Variants in UBE2R2 observed in about 807,000 individuals in gnomAD.
The protein encoded by UBE2R2 is ubiquitin-conjugating enzyme E2 R2.
A neutral mutation model predicts 27.8 loss-of-function variants in UBE2R2; 1 was observed. The ratio of observed to expected loss-of-function variants is 0.04; its 90% CI spans 0.01 to 0.17. The LOEUF (loss-of-function observed/expected upper bound fraction) is 0.17, where lower values mean the gene tolerates loss of function less well. Among genes scored for constraint, UBE2R2 ranks in the 10% least tolerant of loss-of-function variants. The probability of loss-of-function intolerance (pLI) is 1.00; values close to 1 mark genes in which losing one functional copy is unlikely to be tolerated. For synonymous variants in UBE2R2, 106 were observed against 113.3 expected, an observed-to-expected ratio of 0.94 and a Z score of 0.41; for missense variants, 100 against 291.0, an observed-to-expected ratio of 0.34 and a Z score of 4.78.
chr9:33,902,401 A>G (rs1303255399), intron 3 of UBE2R2, among the ~76,000 whole-genome samples: 1 of 152,200 alleles, frequency 6.6e-6, no homozygotes, highest in Non-Finnish European at 1.5e-5. Flanking sequence ...GGTTGTTGAT[A>G]GAATTTAAGT....
At chr9:33,912,243 G>T (rs998766230) in intron 4 of UBE2R2, 145 bp downstream of exon 4, 6 of 771,330 alleles carry the variant, frequency 7.8e-6, no homozygotes, top group African/African-American at 3.5e-5. Context: ...GAAGATTTCT[G>T]CCTGAGCCTA....
At chr9:33,886,994 T>C in intron 2 of UBE2R2, 27 bp downstream of exon 2, 1 of 1,562,916 alleles carries the variant, frequency 6.4e-7, no homozygotes, top group South Asian at 1.2e-5. Flanking sequence ...CATAAATTTC[T>C]CTGAAGATTT....
chr9:33,862,699 C>T (rs1446079478), intron 1 of UBE2R2, among the ~76,000 whole-genome samples: 2 of 152,008 alleles, frequency 1.3e-5, no homozygotes, highest in African/African-American at 4.8e-5. Flanking sequence ...GTGTCCTTTG[C>T]CTGTTTTACT....
At chr9:33,868,665 A>G (rs1264924480) in intron 1 of UBE2R2, 11 of 152,162 alleles carry the variant, frequency 7.2e-5, no homozygotes, top group Admixed American at 7.2e-4. Flanking sequence ...TTTTTGGAAA[A>G]ATGAAAACCT....
intron 1 of UBE2R2, among the ~76,000 whole-genome samples, chr9:33,863,635 TTA>T (rs1200669529): frequency 2.0e-5 from 3 of 152,212 alleles, no homozygotes; most frequent in Non-Finnish European, 4.4e-5. Flanking sequence ...CATTTTAAAC[TTA>T]TATTAAGGAC....
chr9:33,886,785 G>T, intron 1 of UBE2R2, 96 bp from the exon 2 acceptor site: 1 of 997,942 alleles, frequency 1.0e-6, no homozygotes, highest in Non-Finnish European at 1.4e-6. Context: ...CTCTATGAAA[G>T]GAGCTTTGTT....
At chr9:33,905,440 G>A (rs1340699035) in intron 3 of UBE2R2, among the ~76,000 whole-genome samples, 1 of 152,064 alleles carries the variant, frequency 6.6e-6, no homozygotes, top group East Asian at 1.9e-4. Context: ...TTGCTTCCTT[G>A]GTTTTTGTGC....
chr9:33,857,308 G>A (rs1204591041), intron 1 of UBE2R2, among the ~76,000 whole-genome samples: 2 of 151,598 alleles, frequency 1.3e-5, no homozygotes, highest in Non-Finnish European at 2.9e-5. Flanking sequence ...ACTGAAATTA[G>A]TGTTGACTTT....
At chr9:33,823,565 G>A (rs909442336) in intron 1 of UBE2R2, among the ~76,000 whole-genome samples, 4 of 151,628 alleles carry the variant, frequency 2.6e-5, no homozygotes, top group African/African-American at 7.3e-5. Context: ...TAGTGGAAAC[G>A]GGGTTTCACC....
At chr9:33,882,837 C>T (rs954028246) in intron 1 of UBE2R2, among the ~76,000 whole-genome samples, 1 of 152,148 alleles carries the variant, frequency 6.6e-6, no homozygotes, top group African/African-American at 2.4e-5. Flanking sequence ...ACCTGTAATC[C>T]TAGCACTTTG....
intron 1 of UBE2R2, among the ~76,000 whole-genome samples, chr9:33,829,310 G>A (rs1014185131): frequency 6.6e-6 from 1 of 152,196 alleles, no homozygotes; most frequent in Non-Finnish European, 1.5e-5. Flanking sequence ...ATTAAGGGGA[G>A]GGTGGGAATG....
intron 1 of UBE2R2, among the ~76,000 whole-genome samples, chr9:33,848,494 G>A (rs999723566): frequency 5.3e-5 from 8 of 152,284 alleles, no homozygotes; most frequent in Admixed American, 3.3e-4. Flanking sequence ...GATTGATTTA[G>A]GTTGGGGCTG....
At chr9:33,869,896 G>A (rs1197286809) in intron 1 of UBE2R2, among the ~76,000 whole-genome samples, 3 of 152,012 alleles carry the variant, frequency 2.0e-5, no homozygotes, top group Admixed American at 2.0e-4. Flanking sequence ...GCCCAGGCTG[G>A]AGTGCAATGG....
chr9:33,870,635 T>C (rs1293832667), intron 1 of UBE2R2, among the ~76,000 whole-genome samples: 2 of 152,088 alleles, frequency 1.3e-5, no homozygotes, highest in Non-Finnish European at 2.9e-5. Flanking sequence ...GAAGACAAAA[T>C]GATAAATGGG....
intron 2 of UBE2R2, among the ~76,000 whole-genome samples, chr9:33,894,274 A>T (rs528183802): frequency 2.3e-4 from 35 of 151,232 alleles, no homozygotes; most frequent in Non-Finnish European, 3.8e-4. Context: ...CTCTATATTT[A>T]AAAAAAAAGG....
chr9:33,887,954 C>T (rs1034478985), intron 2 of UBE2R2, among the ~76,000 whole-genome samples: 5 of 152,214 alleles, frequency 3.3e-5, no homozygotes, highest in Non-Finnish European at 2.9e-5. Flanking sequence ...GGATTACAGG[C>T]GTGAGCCACC....
chr9:33,911,413 A>C (rs1822484585), intron 3 of UBE2R2, among the ~76,000 whole-genome samples: 1 of 136,614 alleles, frequency 7.3e-6, no homozygotes, highest in African/African-American at 2.8e-5. Context: ...AAAAAAAAAA[A>C]AAAAAAAAAA....
intron 1 of UBE2R2, among the ~76,000 whole-genome samples, chr9:33,822,098 T>TATA (rs1563978841): frequency 1.5e-5 from 2 of 136,118 alleles, no homozygotes; most frequent in South Asian, 2.3e-4. Flanking sequence ...ATATATATAT[T>TATA]TTTTTTTTTT....
chr9:33,906,348 C>T (rs1822356428), intron 3 of UBE2R2, among the ~76,000 whole-genome samples: 1 of 152,106 alleles, frequency 6.6e-6, no homozygotes, highest in Non-Finnish European at 1.5e-5. Context: ...TCTTGAACTC[C>T]CAACCTCAGG....
Sources: gnomAD v4.1 joint callset for allele counts (sites outside exome capture counted in the v4.1 genomes callset) on GRCh38, gnomAD v4.1.1 for gene constraint, MANE v1.5 for transcripts, NCBI Gene and HGNC (gene_info 2026-07-23, HGNC 2026-07-21) for gene names.